CNTN1: variants seen among roughly 807,000 people sequenced by gnomAD.
CNTN1 encodes the protein contactin-1.
CNTN1 carries 38 observed loss-of-function variants against 126.4 expected under a neutral mutation model. The ratio of observed to expected loss-of-function variants is 0.30; its 90% CI spans 0.23 to 0.39. CNTN1 has a LOEUF of 0.39. Among genes scored for constraint, CNTN1 ranks in the 10% least tolerant of loss-of-function variants. The pLI is 1.00. For synonymous variants in CNTN1, 413 were observed against 422.6 expected (o/e 0.98, Z 0.28); for missense variants, 1,009 against 1,248.4 (o/e 0.81, Z 2.89).
At chr12:41,037,012 C>A (rs1288164083) in intron 23 of CNTN1, among the ~76,000 whole-genome samples, 4 of 152,118 alleles carry the variant, frequency 2.6e-5, no homozygotes, top group South Asian at 4.1e-4. Context: ...TTTATAGTTC[C>A]ATTTCTGTAA....
At position 40,939,447 on chromosome 12, in the gene CNTN1, A is replaced by G. The variant is rs1438177918; in HGVS notation, c.1341A>G (p.Ser447=). 1.2e-6 allele frequency: 2 copies of G among 1,613,958 alleles called. No individual in the cohort carries two copies. Among genetic ancestry groups the G allele is most frequent in the Non-Finnish European group, 1.7e-6 (2 of 1,179,930 alleles). Residue 447 remains serine, a synonymous_variant, in exon 12 of 24, where the codon TCA becomes TCG. Transcript: ENST00000551295. ...AAGCTGCACCGAAACCAAAGTTTTC[A>G]TGGAGTAAAGGGACAGAGTGGCTTG... ...KPKAAPKPKF[S]WSKGTEWLVN... is the part of the protein sequence containing the mutation.
chr12:41,012,754 G>T (rs1948692993), intron 17 of CNTN1, among the ~76,000 whole-genome samples: 1 of 152,184 alleles, frequency 6.6e-6, no homozygotes, highest in South Asian at 2.1e-4. Flanking sequence ...TATTTGGTTT[G>T]ATTTGGTTCT....
At chr12:40,847,849 G>A (rs1305618080) in intron 1 of CNTN1, among the ~76,000 whole-genome samples, 1 of 152,176 alleles carries the variant, frequency 6.6e-6, no homozygotes, top group Non-Finnish European at 1.5e-5. Context: ...TCCACGGATG[G>A]GGTGAGGATG....
chr12:40,799,243 A>G (rs191709600), intron 1 of CNTN1, among the ~76,000 whole-genome samples: 3 of 151,274 alleles, frequency 2.0e-5, no homozygotes, highest in Admixed American at 1.3e-4. Flanking sequence ...TGTTTAATTA[A>G]TTGATATTTT....
At position 40,806,006 on chromosome 12, in the gene CNTN1, G is replaced by A. The variant is rs1440600904; in HGVS notation, c.-76-102351G>A. ...TGTTGTAATCTGCTCCCAGCTCTCCGCTGACTCTATGTGCCCTTTGCACAG... is the reference window on the plus strand; with the variant it reads ...TGTTGTAATCTGCTCCCAGCTCTCCACTGACTCTATGTGCCCTTTGCACAG... On this transcript the variant is annotated intron_variant, in intron 1 of 23. Transcript: ENST00000551295. Among the ~76,000 whole-genome samples, 31 of 151,946 alleles carry A rather than the reference G, an allele frequency of 2.0e-4. 1 individual carries two copies. Among genetic ancestry groups the A allele is most frequent in the Admixed American group, 1.5e-3 (23 of 15,238 alleles).
At chr12:41,060,021 G>GAA (rs57247985) in intron 23 of CNTN1, among the ~76,000 whole-genome samples, 3 of 148,340 alleles carry the variant, frequency 2.0e-5, no homozygotes, top group African/African-American at 7.4e-5. Flanking sequence ...GAGTTTGTCG[G>GAA]AAAAAAAAAA....
intron 23 of CNTN1, among the ~76,000 whole-genome samples, chr12:41,059,842 T>C (rs937624151): frequency 6.6e-6 from 1 of 152,008 alleles, no homozygotes; most frequent in East Asian, 1.9e-4. Flanking sequence ...CTGGGCAACA[T>C]TGTGAGACCC....
chr12:40,814,034 G>C (rs1170914694), intron 1 of CNTN1, among the ~76,000 whole-genome samples: 1 of 151,912 alleles, frequency 6.6e-6, no homozygotes, highest in Non-Finnish European at 1.5e-5. Flanking sequence ...CCCACTTTTT[G>C]ATGGTGCTGT....
In CNTN1 at chr12:41,067,767, A is replaced by AAT. The variant is rs34987417; in HGVS notation, c.2981-2191_2981-2190insTA. Among the ~76,000 whole-genome samples, 86 of 89,154 alleles carry AAT rather than the reference A, an allele frequency of 9.6e-4. 1 individual carries two copies. The highest frequency in any genetic ancestry group is 7.1e-3 in the African/African-American group (80 of 11,278). 58.5% of individuals were successfully genotyped at this position (89,154 alleles called of 152,430 possible). ...TGTACCCTAAAACTTAAAGTATAAT[A>AAT]AAAAAAAAAAGGCTTCAGGATGGAT... On this transcript the variant is annotated intron_variant, in intron 23 of 23. Transcript: ENST00000551295.
At position 40,812,529 on chromosome 12, in the gene CNTN1, G is replaced by A. The variant is rs149017252; in HGVS notation, c.-76-95828G>A. 3.2e-4 allele frequency among the ~76,000 whole-genome samples: 49 copies of A among 152,142 alleles called. No individual in the cohort carries two copies. In the East Asian group the frequency reaches 7.7e-3, roughly 24 times the overall value. ...TGAAGCCCCTAATACTATTGTATTT[G>A]TGTTGATTTCTCCCATCAGTTCTGT... On this transcript the variant is annotated intron_variant, in intron 1 of 23. Coordinates refer to ENST00000551295, the MANE Select transcript of CNTN1 (RefSeq NM_001843.4).
At chr12:40,884,041 T>A (rs1943954042) in intron 1 of CNTN1, among the ~76,000 whole-genome samples, 2 of 151,516 alleles carry the variant, frequency 1.3e-5, no homozygotes, top group Non-Finnish European at 3.0e-5. Context: ...ATAATCATGC[T>A]TTGGTGTTAT....
At chr12:40,746,824 G>A (rs1938204766) in intron 1 of CNTN1, among the ~76,000 whole-genome samples, 1 of 152,044 alleles carries the variant, frequency 6.6e-6, no homozygotes, top group Admixed American at 6.6e-5. Context: ...CCTCTGAAGT[G>A]TGCATGCTTG....
At chr12:41,045,727 G>A (rs1949526478) in intron 23 of CNTN1, among the ~76,000 whole-genome samples, 1 of 152,130 alleles carries the variant, frequency 6.6e-6, no homozygotes, top group African/African-American at 2.4e-5. Flanking sequence ...TATGAGAGCA[G>A]TGCAAAGGAC....
intron 23 of CNTN1, among the ~76,000 whole-genome samples, chr12:41,034,342 TTTG>T (rs1949209270): frequency 6.6e-6 from 1 of 152,162 alleles, no homozygotes; most frequent in African/African-American, 2.4e-5. Context: ...GAAAACACAT[TTTG>T]TTGTTTTGCT....
intron 1 of CNTN1, among the ~76,000 whole-genome samples, chr12:40,863,460 T>C (rs1943181849): frequency 6.6e-6 from 1 of 152,200 alleles, no homozygotes; most frequent in South Asian, 2.1e-4. Flanking sequence ...TTATTGGCTA[T>C]TCACATCACA....
rs370144813 is a variant in CNTN1 at position 40,980,981 on chromosome 12, G to A, written c.1877G>A (p.Arg626His). 42 of 1,613,794 alleles carry A rather than the reference G, an allele frequency of 2.6e-5. No homozygotes were observed. Among genetic ancestry groups the A allele is most frequent in the African/African-American group, 5.3e-5 (4 of 75,040 alleles). The part of the protein sequence containing the change: ...RATSVALTWS[R>H]GSDNHSPISK... ...ACTTCTGTGGCACTTACTTGGAGCC[G>A]TGGTTCAGACAATCATAGTCCTATT... The change falls in exon 16 of 24, where the codon CGT (arginine) becomes CAT (histidine). Residue 626 changes from arginine (R) to histidine (H), a missense_variant. Arg to His is a conservative substitution (Grantham distance 29). Coordinates refer to ENST00000551295, the MANE Select transcript of CNTN1 (RefSeq NM_001843.4).
At chr12:40,806,302 A>C (rs555001913) in intron 1 of CNTN1, among the ~76,000 whole-genome samples, 47 of 152,226 alleles carry the variant, frequency 3.1e-4, no homozygotes, top group Non-Finnish European at 5.7e-4. Flanking sequence ...AGAGATTTCA[A>C]CTTGCTATTT....
At chr12:40,842,103 G>T (rs893096686) in intron 1 of CNTN1, among the ~76,000 whole-genome samples, 1 of 151,894 alleles carries the variant, frequency 6.6e-6, no homozygotes, top group African/African-American at 2.4e-5. Flanking sequence ...AGTTAAAAAG[G>T]TCACTTTGCT....
chr12:40,922,231 T>G (rs1945467755), intron 4 of CNTN1, 25 bp from the exon 5 acceptor site: 13 of 1,609,420 alleles, frequency 8.1e-6, no homozygotes, highest in Non-Finnish European at 1.1e-5. Flanking sequence ...ACCTGTGATA[T>G]GACCTTTGTG....
Sources: gnomAD v4.1 joint callset for allele counts (sites outside exome capture counted in the v4.1 genomes callset) on GRCh38, gnomAD v4.1.1 for gene constraint, MANE v1.5 for transcripts, NCBI Gene and HGNC (gene_info 2026-07-23, HGNC 2026-07-21) for gene names.